Variants in ZNF559 observed in about 807,000 individuals in gnomAD.
ZNF559 encodes the protein putative protein product of Nbla00121.
A neutral mutation model predicts 14.2 loss-of-function variants in ZNF559; 17 were observed. That is an observed-to-expected ratio of 1.20 (90% CI 0.82 to 1.80). ZNF559 has a LOEUF of 1.80. Ranked by LOEUF, ZNF559 falls within the 40% of genes most tolerant of loss-of-function variation. The pLI is 0.00. For synonymous variants in ZNF559, 244 were observed against 212.4 expected, an observed-to-expected ratio of 1.15 and a Z score of -1.29; for missense variants, 740 against 629.7, an observed-to-expected ratio of 1.18 and a Z score of -1.88.
chr19:9,323,929 T>C (rs965681148), upstream of ZNF559: 2 of 565,626 alleles, frequency 3.5e-6, no homozygotes, highest in Non-Finnish European at 6.3e-6. Flanking sequence ...TCTTGTTCTT[T>C]TGTTGCTTCA....
At chr19:9,327,374 G>A (rs1439942811) in intron 2 of ZNF559, among the ~76,000 whole-genome samples, 1 of 151,986 alleles carries the variant, frequency 6.6e-6, no homozygotes, top group Non-Finnish European at 1.5e-5. Flanking sequence ...CAGCCTTCTG[G>A]GTAGCTGGGA....
chr19:9,331,995 A>G (rs1176839969), intron 2 of ZNF559, among the ~76,000 whole-genome samples: 1 of 152,194 alleles, frequency 6.6e-6, no homozygotes, highest in East Asian at 1.9e-4. Flanking sequence ...GTTTTCCAAA[A>G]TCACTTAGAT....
chr19:9,341,522 C>T lies in ZNF559; in HGVS notation c.244-173C>T, dbSNP rs774324231. On this transcript the variant is annotated intron_variant, in intron 6 of 6. Transcript: ENST00000603380. ...AGAACTTCCTGCAGTCACTTTGTTC[C>T]ACTTGAAAACACTCAGGTCTGAACC... 441 of 1,194,200 alleles carry T rather than the reference C, an allele frequency of 3.7e-4. 2 individuals are homozygous for T. Among genetic ancestry groups the T allele is most frequent in the South Asian group, 4.8e-4 (36 of 75,746 alleles). 74.0% of individuals were successfully genotyped at this position (1,194,200 alleles called of 1,614,324 possible). A position where few individuals can be genotyped will look rare whatever the true frequency, so the allele number is the denominator to read the frequency against.
Position 9,338,591 on chromosome 19 carries a change from G to C in ZNF559, c.33+9G>C, listed in dbSNP as rs376625290. ...TGACAAATTACTCTCAGGTAAGTAG[G>C]AAATTGCTTTTTCTGTAGAAGCATA... On this transcript the variant is annotated intron_variant, in intron 4 of 6. Transcript: ENST00000603380. The C allele has an allele frequency of 6.2e-6, 10 of 1,608,648 alleles. No individual in the cohort carries two copies. Among genetic ancestry groups the C allele is most frequent in the Non-Finnish European group, 7.7e-6 (9 of 1,175,280 alleles).
chr19:9,329,015 CAAA>C (rs1163028360), intron 2 of ZNF559, among the ~76,000 whole-genome samples: 2 of 152,092 alleles, frequency 1.3e-5, no homozygotes, highest in South Asian at 2.1e-4. Flanking sequence ...AGCAACAACT[CAAA>C]AAAGTCATTA....
chr19:9,326,400 C>G (rs2066609075), intron 2 of ZNF559, among the ~76,000 whole-genome samples: 2 of 152,216 alleles, frequency 1.3e-5, no homozygotes, highest in South Asian at 2.1e-4. Flanking sequence ...CCGCCATTCA[C>G]CTGAATTTTT....
At chr19:9,341,454 G>T in intron 6 of ZNF559, 1 of 809,502 alleles carries the variant, frequency 1.2e-6, no homozygotes, top group South Asian at 1.4e-5. Flanking sequence ...GCCGTTATCA[G>T]CTAAGCTCTA....
At chr19:9,327,750 ATT>A (rs35172240) in intron 2 of ZNF559, among the ~76,000 whole-genome samples, 1 of 151,574 alleles carries the variant, frequency 6.6e-6, no homozygotes, top group East Asian at 1.9e-4. Flanking sequence ...ACTTATTCTA[ATT>A]TTTTTTTCTT....
chr19:9,342,020 G>A lies in ZNF559; in HGVS notation c.569G>A (p.Cys190Tyr). 3 of 1,609,960 alleles carry A rather than the reference G, an allele frequency of 1.9e-6. No individual in the cohort carries two copies. In the East Asian group the frequency reaches 6.7e-5, roughly 36 times the overall value. The part of the protein sequence containing the change: ...TQEKPYKCSD[C>Y]EKGLPSSSHL... ...GAGAAACCATATAAATGCAGTGACT[G>A]TGAAAAAGGCTTACCTTCCTCCTCA... Residue 190 changes from cysteine (C) to tyrosine (Y), a missense_variant, in exon 7 of 7, where the codon TGT becomes TAT. Coordinates refer to ENST00000603380, the MANE Select transcript of ZNF559 (RefSeq NM_032497.3).
chr19:9,333,739 G>GT lies in ZNF559; in HGVS notation c.-119-4056dup, dbSNP rs544110188. ...GAGAATAAGAGGAGATAATTCCTAC[G>GT]TATGTAACTGACAAAAAAAAAAAGG... On this transcript the variant is annotated intron_variant, in intron 2 of 6. Transcript: ENST00000603380. Among the ~76,000 whole-genome samples the GT allele has an allele frequency of 8.2e-5, 8 of 97,826 alleles. No individual in the cohort carries two copies. In the South Asian group the frequency reaches 2.8e-3, roughly 34 times the overall value. 64.2% of individuals were successfully genotyped at this position (97,826 alleles called of 152,430 possible). A position where few individuals can be genotyped will look rare whatever the true frequency, so the allele number is the denominator to read the frequency against.
intron 2 of ZNF559, among the ~76,000 whole-genome samples, chr19:9,335,126 ACT>A (rs895698664): frequency 4.5e-5 from 5 of 110,454 alleles, no homozygotes; most frequent in Non-Finnish European, 7.5e-5. Flanking sequence ...ACAGAGCGAG[ACT>A]CTGTCTCAAA....
chr19:9,342,326 C>G lies in ZNF559; in HGVS notation c.875C>G (p.Thr292Ser), dbSNP rs764798540. 7 of 1,601,146 alleles carry G rather than the reference C, an allele frequency of 4.4e-6. No homozygotes were observed. In the South Asian group the frequency reaches 7.9e-5, roughly 18 times the overall value. ...PDLAKHIRLR[T>S]RGKHYVCNEC... ...CTTGCTAAACATATAAGACTTAGAA[C>G]TAGAGGAAAACACTATGTTTGTAAT... is the stretch of plus-strand genomic sequence containing the variant. Residue 292 changes from threonine to serine, a missense_variant, in exon 7 of 7, where the codon ACT becomes AGT. Coordinates refer to ENST00000603380, the MANE Select transcript of ZNF559 (RefSeq NM_032497.3).
rs962237190 is a variant in ZNF559, at chr19:9,344,136, C to G, written c.*1068C>G. 2 of 151,984 alleles carry G rather than the reference C, an allele frequency of 1.3e-5. No homozygotes were observed. Among genetic ancestry groups the G allele is most frequent in the East Asian group, 1.9e-4 (1 of 5,174 alleles). 9.4% of individuals were successfully genotyped at this position (151,984 alleles called of 1,614,324 possible). ...GTACGTGCCTGTAATCCCAGCTACT[C>G]GAGAGGTTGAGGCAGAATTGCTTGA... On this transcript the variant is annotated 3_prime_UTR_variant, in exon 7 of 7. Transcript: ENST00000603380.
intron 2 of ZNF559, among the ~76,000 whole-genome samples, chr19:9,336,889 C>G (rs1281014984): frequency 1.3e-5 from 2 of 152,124 alleles, no homozygotes; most frequent in African/African-American, 4.8e-5. Context: ...AGACCACCAC[C>G]CTCACGCTCA....
intron 2 of ZNF559, among the ~76,000 whole-genome samples, chr19:9,331,308 A>G (rs1443008073): frequency 1.3e-5 from 2 of 152,194 alleles, no homozygotes; most frequent in African/African-American, 4.8e-5. Context: ...TATGTTGCTC[A>G]GGTGGGATGC....
intron 2 of ZNF559, among the ~76,000 whole-genome samples, chr19:9,328,279 T>C (rs1372137736): frequency 2.0e-5 from 3 of 151,936 alleles, no homozygotes; most frequent in Admixed American, 2.0e-4. Context: ...GTTCAAACAT[T>C]TGCTTGAACT....
intron 1 of ZNF559, chr19:9,324,451 G>T: frequency 1.4e-6 from 2 of 1,434,662 alleles, no homozygotes; most frequent in Non-Finnish European, 1.8e-6. Flanking sequence ...CTCGGCCCGG[G>T]AGGAGGCGGG....
chr19:9,342,082 A>G lies in ZNF559; in HGVS notation c.631A>G (p.Arg211Gly), dbSNP rs2067609499. 6 of 1,612,178 alleles carry G rather than the reference A, an allele frequency of 3.7e-6. No homozygotes were observed. In the East Asian group the frequency reaches 1.3e-4, roughly 36 times the overall value. The change falls in exon 7 of 7, where the codon AGA becomes GGA. Residue 211 changes from arginine (R) to glycine (G), a missense_variant. Physicochemically the swap from Arg to Gly is moderately radical, Grantham distance 125. Transcript: ENST00000603380. ...RECVRIYGGE[R>G]PYTHKEYVET... is the part of the protein sequence containing the mutation. ...ATGTGTAAGAATTTATGGTGGAGAG[A>G]GACCATATACTCATAAGGAGTATGT...
Position 9,342,434 on chromosome 19 carries a change from A to G in ZNF559, c.983A>G (p.Asn328Ser). The G allele has an allele frequency of 6.2e-7, 1 of 1,614,190 alleles. No individual in the cohort carries two copies. The highest frequency in any genetic ancestry group is 8.5e-7 in the Non-Finnish European group (1 of 1,180,032). The change falls in exon 7 of 7, where the codon AAC becomes AGC. Residue 328 changes from asparagine (N) to serine (S), a missense_variant. Asn to Ser is a conservative substitution (Grantham distance 46). Transcript: ENST00000603380. ...VHTGEKPYEC[N>S]KCGKAFTDSS... is the part of the protein sequence containing the mutation. ...ACTGGAGAAAAACCGTATGAGTGCA[A>G]CAAATGTGGGAAAGCCTTCACTGAT...
Sources: allele counts gnomAD v4.1 joint callset (sites outside exome capture counted in the v4.1 genomes callset), GRCh38; gene constraint gnomAD v4.1.1; transcripts MANE v1.5; gene names NCBI Gene and HGNC (gene_info 2026-07-23, HGNC 2026-07-21).